The following ADAMTS6 variants were observed in gnomAD, a reference collection of about 807,000 sequenced individuals.
ADAMTS6 encodes A disintegrin and metalloproteinase with thrombospondin motifs 6.
ADAMTS6 carries 23 observed loss-of-function variants against 144.3 expected under a neutral mutation model. The ratio of observed to expected loss-of-function variants is 0.16; its 90% CI spans 0.11 to 0.23. The LOEUF (loss-of-function observed/expected upper bound fraction) is 0.23, where lower values mean the gene tolerates loss of function less well. Ranked by LOEUF, ADAMTS6 falls within the 10% of genes least tolerant of loss-of-function variation. The pLI, the probability that ADAMTS6 is intolerant of heterozygous loss-of-function variation, is 1.00. For synonymous variants in ADAMTS6, 444 were observed against 457.5 expected, an observed-to-expected ratio of 0.97 and a Z score of 0.38; for missense variants, 999 against 1,379.6, an observed-to-expected ratio of 0.72 and a Z score of 4.37.
intron 9 of ADAMTS6, among the ~76,000 whole-genome samples, chr5:65,303,633 A>T (rs2081124): frequency 0.99 from 150,116 of 151,818 alleles, 74,233 homozygotes; most frequent in Middle Eastern, 1. Flanking sequence ...TATATAATTT[A>T]AAAATACTCT....
At chr5:65,475,202 C>G (rs1760758525) in intron 1 of ADAMTS6, among the ~76,000 whole-genome samples, 1 of 152,052 alleles carries the variant, frequency 6.6e-6, no homozygotes, top group South Asian at 2.1e-4. Context: ...TTGTAGTTAA[C>G]TGTAAAATTA....
At chr5:65,229,541 C>G (rs1156957184) in intron 15 of ADAMTS6, among the ~76,000 whole-genome samples, 1 of 151,974 alleles carries the variant, frequency 6.6e-6, no homozygotes, top group East Asian at 1.9e-4. Flanking sequence ...TAAGAGAACA[C>G]AGACAACTTA....
chr5:65,321,381 A>T (rs1745598316), intron 9 of ADAMTS6, among the ~76,000 whole-genome samples: 1 of 151,672 alleles, frequency 6.6e-6, no homozygotes, highest in Non-Finnish European at 1.5e-5. Flanking sequence ...CCCAATTTTT[A>T]ATGGGGATTT....
intron 9 of ADAMTS6, among the ~76,000 whole-genome samples, chr5:65,313,461 T>C (rs944352020): frequency 7.2e-5 from 11 of 152,166 alleles, no homozygotes; most frequent in African/African-American, 2.6e-4. Context: ...TGCATTTATT[T>C]ATGTGTGTGA....
intron 7 of ADAMTS6, among the ~76,000 whole-genome samples, chr5:65,386,322 G>A (rs543849473): frequency 3.3e-4 from 50 of 151,712 alleles, no homozygotes; most frequent in African/African-American, 1.2e-3. Context: ...CCCCTTTATT[G>A]GATATTTAAG....
Position 65,334,026 on chromosome 5 carries a change from A to AAAAAAAAAAAATAC in ADAMTS6, c.1117+15_1117+16insGTATTTTTTTTTTT. ...AAAAAAAAAAAAAAAAAAAAAAAAA[A>AAAAAAAAAAAATAC]CCAAAAAAAACTTACCCAGTGTTCC... On this transcript the variant is annotated intron_variant, in intron 8 of 24. Transcript: ENST00000381055. The AAAAAAAAAAAATAC allele has an allele frequency of 7.7e-7, 1 of 1,299,278 alleles. No individual in the cohort carries two copies. The highest frequency in any genetic ancestry group is 1.0e-6 in the Non-Finnish European group (1 of 1,002,190). 80.5% of individuals were successfully genotyped at this position (1,299,278 alleles called of 1,614,324 possible). A position where few individuals can be genotyped will look rare whatever the true frequency, so the allele number is the denominator to read the frequency against.
At chr5:65,402,168 T>G (rs555419563) in intron 7 of ADAMTS6, among the ~76,000 whole-genome samples, 6 of 152,254 alleles carry the variant, frequency 3.9e-5, no homozygotes, top group Non-Finnish European at 8.8e-5. Flanking sequence ...CATAATTTTT[T>G]TCTCTCTTTA....
chr5:65,190,982 C>T (rs76837936), intron 21 of ADAMTS6, among the ~76,000 whole-genome samples: 1 of 152,036 alleles, frequency 6.6e-6, no homozygotes, highest in Non-Finnish European at 1.5e-5. Flanking sequence ...CTTCCTTCTC[C>T]ACGTATTTGA....
At chr5:65,159,170 C>T (rs1360413634) in intron 24 of ADAMTS6, among the ~76,000 whole-genome samples, 5 of 152,140 alleles carry the variant, frequency 3.3e-5, no homozygotes, top group Admixed American at 3.3e-4. Context: ...GTTCATCACT[C>T]TCCTTTTAAT....
chr5:65,173,921 G>A (rs567490008), intron 22 of ADAMTS6, among the ~76,000 whole-genome samples: 1 of 151,976 alleles, frequency 6.6e-6, no homozygotes, highest in South Asian at 2.1e-4. Flanking sequence ...TACTTGGGAG[G>A]CTGAGGCAGG....
At chr5:65,440,481 A>C (rs998815638) in intron 7 of ADAMTS6, among the ~76,000 whole-genome samples, 6 of 152,172 alleles carry the variant, frequency 3.9e-5, no homozygotes, top group Admixed American at 1.3e-4. Context: ...TCTGAGTTGA[A>C]GAGACAGAAC....
At chr5:65,312,850 T>C (rs886322968) in intron 9 of ADAMTS6, among the ~76,000 whole-genome samples, 2 of 151,984 alleles carry the variant, frequency 1.3e-5, no homozygotes, top group African/African-American at 4.8e-5. Flanking sequence ...TGTTGGGGTG[T>C]ATGTATGTGT....
intron 9 of ADAMTS6, among the ~76,000 whole-genome samples, chr5:65,320,753 A>G (rs1211417548): frequency 6.6e-6 from 1 of 152,106 alleles, no homozygotes; most frequent in Non-Finnish European, 1.5e-5. Context: ...TTATGTGTCC[A>G]TATGTTCTCA....
chr5:65,242,324 T>C, intron 14 of ADAMTS6, 118 bp from the exon 15 acceptor site: 1 of 602,224 alleles, frequency 1.7e-6, no homozygotes, highest in South Asian at 3.3e-5. Flanking sequence ...TGGCTATAAT[T>C]CTGGCATTTG....
intron 7 of ADAMTS6, among the ~76,000 whole-genome samples, chr5:65,427,756 C>T (rs1255348303): frequency 6.6e-6 from 1 of 150,640 alleles, no homozygotes; most frequent in Non-Finnish European, 1.5e-5. Context: ...CAAGCTCATG[C>T]CACTGCACTC....
chr5:65,246,178 A>G (rs935896497), intron 14 of ADAMTS6, among the ~76,000 whole-genome samples: 4 of 152,202 alleles, frequency 2.6e-5, no homozygotes, highest in African/African-American at 9.6e-5. Flanking sequence ...ACTTTCAGTC[A>G]AAACCTGCTG....
chr5:65,476,720 T>C (rs1456162966), intron 1 of ADAMTS6, among the ~76,000 whole-genome samples: 1 of 152,152 alleles, frequency 6.6e-6, no homozygotes, highest in South Asian at 2.1e-4. Context: ...GTGATTCTCC[T>C]GCCTCAGCCT....
intron 14 of ADAMTS6, among the ~76,000 whole-genome samples, chr5:65,249,565 A>G (rs568281524): frequency 2.0e-5 from 3 of 152,188 alleles, no homozygotes; most frequent in African/African-American, 2.4e-5. Context: ...AATAAACTAA[A>G]TAAACTTCTG....
chr5:65,373,830 CT>C (rs1751227455), intron 7 of ADAMTS6, among the ~76,000 whole-genome samples: 1 of 152,010 alleles, frequency 6.6e-6, no homozygotes, highest in Non-Finnish European at 1.5e-5. Flanking sequence ...GACCAATATC[CT>C]TGATGAACAT....
Sources: allele counts gnomAD v4.1 joint callset (sites outside exome capture counted in the v4.1 genomes callset), GRCh38; gene constraint gnomAD v4.1.1; transcripts MANE v1.5; gene names NCBI Gene and HGNC (gene_info 2026-07-23, HGNC 2026-07-21).